Variants in POU2F3 observed in about 807,000 individuals in gnomAD.
POU2F3 encodes POU domain, class 2, transcription factor 3.
In POU2F3, 23 loss-of-function variants were observed where a neutral mutation model predicts 59.2. The ratio of observed to expected loss-of-function variants is 0.39; its 90% CI spans 0.28 to 0.55. The LOEUF is 0.55. Ranked by LOEUF, POU2F3 falls within the 20% of genes least tolerant of loss-of-function variation. The pLI, the probability that POU2F3 is intolerant of heterozygous loss-of-function variation, is 0.66. For synonymous variants in POU2F3, 190 were observed against 214.6 expected, an observed-to-expected ratio of 0.89 and a Z score of 1.00; for missense variants, 473 against 544.5, an observed-to-expected ratio of 0.87 and a Z score of 1.31.
chr11:120,300,529 C>T (rs966575472), intron 5 of POU2F3, among the ~76,000 whole-genome samples: 15 of 151,986 alleles, frequency 9.9e-5, no homozygotes, highest in African/African-American at 3.4e-4. Context: ...TTTGGGAGGC[C>T]GAGGTGGACG....
At position 120,263,279 on chromosome 11, in the gene POU2F3, C is replaced by T. The variant is rs76015299; in HGVS notation, c.98-5931C>T. Among the ~76,000 whole-genome samples, 802 of 152,266 alleles carry T rather than the reference C, an allele frequency of 5.3e-3. 9 individuals carry two copies. The highest frequency in any genetic ancestry group is 0.018 in the African/African-American group (762 of 41,558). Reference sequence around the variant, plus strand: ...TGCTGGGATTACAGGCGTGACCCACCGCGCCCAGCCTACCATCTTAACCAT... The same window carrying T: ...TGCTGGGATTACAGGCGTGACCCACTGCGCCCAGCCTACCATCTTAACCAT... On this transcript the variant is annotated intron_variant, in intron 2 of 12. Coordinates refer to ENST00000543440, the MANE Select transcript of POU2F3 (RefSeq NM_014352.4).
chr11:120,285,883 G>T lies in POU2F3; in HGVS notation c.133-12382G>T, dbSNP rs1274487349. Reference sequence around the variant, plus strand: ...CCACATAATGTTCTATTGTTTGGGGGTTTTTCTGTTTTTTTCTGAGACGGA... The same window carrying T: ...CCACATAATGTTCTATTGTTTGGGGTTTTTTCTGTTTTTTTCTGAGACGGA... On this transcript the variant is annotated intron_variant, in intron 3 of 12. Transcript: ENST00000543440. This position sits in a 1 kb window ranked among gnomAD's most constrained non-coding sequence, Gnocchi z 4.3. Among the ~76,000 whole-genome samples, 4 of 142,120 alleles carry T rather than the reference G, an allele frequency of 2.8e-5. No individual in the cohort carries two copies. The highest frequency in any genetic ancestry group is 2.0e-4 in the East Asian group (1 of 4,906). The allele number at this position is 142,120 out of a possible 152,430, so 93.2% of individuals were successfully genotyped here. A position where few individuals can be genotyped will look rare whatever the true frequency, so the allele number is the denominator to read the frequency against.
chr11:120,251,165 G>A (rs548470901), intron 2 of POU2F3, among the ~76,000 whole-genome samples: 1 of 152,242 alleles, frequency 6.6e-6, no homozygotes, highest in Admixed American at 6.5e-5. Flanking sequence ...GTAGAGCCAG[G>A]ATCTTGCTAT....
chr11:120,267,938 G>A (rs567611048), intron 2 of POU2F3, among the ~76,000 whole-genome samples: 142 of 151,952 alleles, frequency 9.3e-4, no homozygotes, highest in African/African-American at 2.7e-3. Context: ...AAGGTTGTGC[G>A]GCAGCTCCAG....
upstream of POU2F3, among the ~76,000 whole-genome samples, chr11:120,237,501 G>A (rs1938532939): frequency 6.6e-6 from 1 of 152,040 alleles, no homozygotes. Context: ...CTAGGCTGCT[G>A]GAGACAGAAG....
chr11:120,301,142 A>T (rs1565383961), intron 5 of POU2F3: 1 of 449,468 alleles, frequency 2.2e-6, no homozygotes, highest in Non-Finnish European at 4.5e-6. Flanking sequence ...GAGTCAGAAA[A>T]ATTTACTGGT....
intron 7 of POU2F3, 28 bp downstream of exon 7, chr11:120,305,240 A>T (rs748224244): frequency 3.1e-6 from 5 of 1,604,602 alleles, no homozygotes; most frequent in Non-Finnish European, 4.3e-6. Context: ...AAGATAGAAG[A>T]AGTCTAGCCG....
chr11:120,253,690 G>A (rs1458005019), intron 2 of POU2F3: 1 of 152,290 alleles, frequency 6.6e-6, no homozygotes, highest in East Asian at 1.9e-4. Flanking sequence ...GAGTCAACGT[G>A]GAGAACCAGG....
chr11:120,318,040 A>G (rs1435501947), intron 12 of POU2F3, among the ~76,000 whole-genome samples: 1 of 152,210 alleles, frequency 6.6e-6, no homozygotes, highest in African/African-American at 2.4e-5. Context: ...ATTGTTGCAT[A>G]GCCCGAAACG....
intron 2 of POU2F3, among the ~76,000 whole-genome samples, chr11:120,249,395 G>A (rs557180697): frequency 4.7e-4 from 72 of 152,236 alleles, no homozygotes; most frequent in African/African-American, 1.6e-3. Context: ...CGCCCAGGCT[G>A]GAGTGCAGTG....
At chr11:120,279,190 C>G (rs940850925) in intron 3 of POU2F3, among the ~76,000 whole-genome samples, 1 of 151,860 alleles carries the variant, frequency 6.6e-6, no homozygotes, top group South Asian at 2.1e-4. Context: ...GGTTCTCCCC[C>G]CACCACTGCC....
chr11:120,245,948 A>G (rs1173395216), intron 1 of POU2F3, among the ~76,000 whole-genome samples: 2 of 152,220 alleles, frequency 1.3e-5, no homozygotes, highest in East Asian at 3.9e-4. Context: ...AGGACCTGGG[A>G]AGAAAGGTGA....
At chr11:120,304,978 A>AAG in intron 6 of POU2F3, 52 bp from the exon 7 acceptor site, 1 of 1,128,678 alleles carries the variant, frequency 8.9e-7, no homozygotes, top group African/African-American at 1.6e-5. Context: ...AAAATCAGAA[A>AAG]ATGTTATTTA....
chr11:120,262,395 C>T (rs773268221), intron 2 of POU2F3, among the ~76,000 whole-genome samples: 4 of 152,176 alleles, frequency 2.6e-5, no homozygotes, highest in African/African-American at 9.7e-5. Context: ...CAATGAGCCC[C>T]CAAGCACTCA....
At chr11:120,250,370 A>C (rs1256477669) in intron 2 of POU2F3, 6 of 152,238 alleles carry the variant, frequency 3.9e-5, no homozygotes, top group Admixed American at 3.9e-4. Flanking sequence ...CCTGTCCTCA[A>C]GGAGTTGTCC....
intron 11 of POU2F3, among the ~76,000 whole-genome samples, chr11:120,316,623 G>C (rs375801802): frequency 6.6e-6 from 1 of 152,080 alleles, no homozygotes; most frequent in East Asian, 1.9e-4. Context: ...ACTGGGTTTC[G>C]CCATGTTGCC....
intron 3 of POU2F3, among the ~76,000 whole-genome samples, chr11:120,289,098 AG>A (rs1197573867): frequency 6.6e-6 from 1 of 152,224 alleles, no homozygotes; most frequent in Non-Finnish European, 1.5e-5. Context: ...TATATGGCTT[AG>A]AAAGTGGATA....
chr11:120,295,406 C>A (rs1011976044), intron 3 of POU2F3, among the ~76,000 whole-genome samples: 1 of 152,240 alleles, frequency 6.6e-6, no homozygotes, highest in East Asian at 1.9e-4. Flanking sequence ...GCTCCACGTT[C>A]TCCCTCTGTC....
At chr11:120,273,641 T>C (rs1327908541) in intron 3 of POU2F3, among the ~76,000 whole-genome samples, 1 of 151,956 alleles carries the variant, frequency 6.6e-6, no homozygotes, top group Non-Finnish European at 1.5e-5. Flanking sequence ...GAAGGGAGGA[T>C]GAGTGATGAA....
Sources: allele counts gnomAD v4.1 joint callset (sites outside exome capture counted in the v4.1 genomes callset), GRCh38; gene constraint gnomAD v4.1.1; non-coding constraint Gnocchi (gnomAD v3.1); transcripts MANE v1.5; gene names NCBI Gene and HGNC (gene_info 2026-07-23, HGNC 2026-07-21).